Variants in PTPRT observed in about 807,000 individuals in gnomAD.
PTPRT encodes the protein receptor-type tyrosine-protein phosphatase T.
In PTPRT, 56 loss-of-function variants were observed where a neutral mutation model predicts 176.8. That is an observed-to-expected ratio of 0.32 (90% CI 0.26 to 0.40). PTPRT has a LOEUF of 0.40. Ranked by LOEUF, PTPRT falls within the 10% of genes least tolerant of loss-of-function variation. The probability of loss-of-function intolerance (pLI) is 1.00; values close to 1 mark genes in which losing one functional copy is unlikely to be tolerated. For synonymous variants in PTPRT, 783 were observed against 739.0 expected (o/e 1.06, Z -0.96); for missense variants, 1,540 against 1,908.2 (o/e 0.81, Z 3.60).
At chr20:43,042,061 T>C (rs763179606) in intron 1 of PTPRT, among the ~76,000 whole-genome samples, 13 of 152,202 alleles carry the variant, frequency 8.5e-5, no homozygotes, top group Non-Finnish European at 1.6e-4. Flanking sequence ...GAGCCTCAAT[T>C]TCCCCATTTG....
In PTPRT at chr20:42,754,241, A is replaced by G. The variant is rs564955158; in HGVS notation, c.859+2221T>C. 4.6e-5 allele frequency among the ~76,000 whole-genome samples: 7 copies of G among 152,322 alleles called. No homozygotes were observed. In the South Asian group the frequency reaches 8.3e-4, roughly 18 times the overall value. ...CGCTCAGCCGCCCAGGCTGGATTGC[A>G]GTGGCATGATCTCAGCTCACCACAA... On this transcript the variant is annotated intron_variant, in intron 6 of 30. Transcript: ENST00000373187.
intron 7 of PTPRT, among the ~76,000 whole-genome samples, chr20:42,568,369 T>C (rs1029252903): frequency 5.9e-5 from 9 of 152,156 alleles, no homozygotes; most frequent in African/African-American, 1.7e-4. Flanking sequence ...TACTCCAACG[T>C]TGGTATTATT....
intron 7 of PTPRT, among the ~76,000 whole-genome samples, chr20:42,569,578 T>C (rs958203733): frequency 2.0e-5 from 3 of 152,072 alleles, no homozygotes; most frequent in Admixed American, 1.3e-4. Context: ...TGCCTGCTCC[T>C]CTCCACCAGC....
At chr20:42,847,309 C>A (rs1156273505) in intron 2 of PTPRT, among the ~76,000 whole-genome samples, 2 of 152,148 alleles carry the variant, frequency 1.3e-5, no homozygotes, top group Admixed American at 6.5e-5. Flanking sequence ...TCAAGACACA[C>A]GGCTGGCCCA....
At chr20:42,752,281 G>A (rs1169205982) in intron 6 of PTPRT, among the ~76,000 whole-genome samples, 1 of 152,220 alleles carries the variant, frequency 6.6e-6, no homozygotes, top group Admixed American at 6.5e-5. Context: ...GAGTGCCTAT[G>A]CAGGGCACTG....
chr20:42,352,547 T>C (rs1258908328), intron 9 of PTPRT, among the ~76,000 whole-genome samples: 3 of 151,792 alleles, frequency 2.0e-5, no homozygotes, highest in Admixed American at 6.6e-5. Flanking sequence ...CTTACAGAGA[T>C]AGAGAGTAGA....
At chr20:42,299,239 T>C (rs1029126625) in intron 12 of PTPRT, among the ~76,000 whole-genome samples, 5 of 152,096 alleles carry the variant, frequency 3.3e-5, no homozygotes, top group Non-Finnish European at 7.4e-5. Flanking sequence ...GTTATAATGT[T>C]TTACATATTA....
chr20:42,712,297 C>T (rs1208861145), intron 6 of PTPRT, among the ~76,000 whole-genome samples: 1 of 152,140 alleles, frequency 6.6e-6, no homozygotes. Flanking sequence ...TTTTCTCAGG[C>T]CACAACTGGC....
intron 1 of PTPRT, among the ~76,000 whole-genome samples, chr20:43,018,950 T>C (rs1985507588): frequency 6.6e-6 from 1 of 152,232 alleles, no homozygotes; most frequent in Non-Finnish European, 1.5e-5. Flanking sequence ...CAAATGCACA[T>C]TCCTGCTGAT....
intron 16 of PTPRT, among the ~76,000 whole-genome samples, chr20:42,164,996 C>T (rs1345563924): frequency 6.6e-6 from 1 of 152,138 alleles, no homozygotes; most frequent in Non-Finnish European, 1.5e-5. Context: ...TGTTACCTAA[C>T]CCTGTGAATT....
At chr20:42,159,457 CA>C (rs2146494767) in intron 17 of PTPRT, among the ~76,000 whole-genome samples, 1 of 151,148 alleles carries the variant, frequency 6.6e-6, no homozygotes, top group Admixed American at 6.6e-5. Context: ...TTTAGGGTAC[CA>C]AATAACATAA....
chr20:42,136,059 T>C (rs1445174633), intron 18 of PTPRT, among the ~76,000 whole-genome samples: 1 of 151,850 alleles, frequency 6.6e-6, no homozygotes, highest in Non-Finnish European at 1.5e-5. Flanking sequence ...AAACCACAAC[T>C]CCTTCTCCCT....
At position 42,931,096 on chromosome 20, in the gene PTPRT, T is replaced by TG. The variant is rs539663381; in HGVS notation, c.89-45165dup. 3.4e-4 allele frequency among the ~76,000 whole-genome samples: 52 copies of TG among 151,998 alleles called. No homozygotes were observed. In the East Asian group the frequency reaches 8.9e-3, roughly 26 times the overall value. On this transcript the variant is annotated intron_variant, in intron 1 of 30. Coordinates refer to ENST00000373187, the MANE Select transcript of PTPRT (RefSeq NM_007050.6). Reference sequence around the variant, plus strand: ...GGGTGCCAAGCTCTCAGAACAGGAGTGGGGGTAAGGAGTTAGACTTGGACA... The same window carrying TG: ...GGGTGCCAAGCTCTCAGAACAGGAGTGGGGGGTAAGGAGTTAGACTTGGACA...
chr20:42,971,636 A>G (rs754978974), intron 1 of PTPRT: 6 of 151,966 alleles, frequency 3.9e-5, no homozygotes, highest in Non-Finnish European at 8.8e-5. Flanking sequence ...CGCTTCAACT[A>G]CTTTGCTCTT....
chr20:42,820,078 T>C (rs1448230694), intron 2 of PTPRT, among the ~76,000 whole-genome samples: 1 of 152,176 alleles, frequency 6.6e-6, no homozygotes, highest in Non-Finnish European at 1.5e-5. Context: ...CTAGTAGACG[T>C]CTATAGAATT....
chr20:42,151,121 C>A (rs995286624), intron 17 of PTPRT, among the ~76,000 whole-genome samples: 2 of 137,528 alleles, frequency 1.5e-5, no homozygotes, highest in Admixed American at 1.4e-4. Context: ...TCAAAAACAT[C>A]AAGGATTTTT....
intron 1 of PTPRT, among the ~76,000 whole-genome samples, chr20:43,001,513 T>C (rs1310504617): frequency 1.3e-5 from 2 of 151,882 alleles, no homozygotes; most frequent in Non-Finnish European, 2.9e-5. Flanking sequence ...GGTAAAGATA[T>C]CAGTTAAAAC....
At chr20:42,405,317 T>C (rs964178751) in intron 9 of PTPRT, among the ~76,000 whole-genome samples, 1 of 152,038 alleles carries the variant, frequency 6.6e-6, no homozygotes, top group Non-Finnish European at 1.5e-5. Flanking sequence ...ACATTATGTA[T>C]ATCTCCTAAT....
At chr20:42,424,568 C>T (rs1297916970) in intron 9 of PTPRT, among the ~76,000 whole-genome samples, 2 of 152,084 alleles carry the variant, frequency 1.3e-5, no homozygotes, top group Non-Finnish European at 2.9e-5. Context: ...GAATGATTTA[C>T]TCATTTACAC....
Sources: gnomAD v4.1 joint callset for allele counts (sites outside exome capture counted in the v4.1 genomes callset) on GRCh38, gnomAD v4.1.1 for gene constraint, MANE v1.5 for transcripts, NCBI Gene and HGNC (gene_info 2026-07-23, HGNC 2026-07-21) for gene names.